PCM1: variants seen among roughly 807,000 people sequenced by gnomAD.
PCM1 encodes pericentriolar material 1.
In PCM1, 157 loss-of-function variants were observed where a neutral mutation model predicts 241.9. That is an observed-to-expected ratio of 0.65 (90% CI 0.57 to 0.74). PCM1 has a LOEUF of 0.74. Ranked by LOEUF, PCM1 falls within the 30% of genes least tolerant of loss-of-function variation. The probability of loss-of-function intolerance (pLI) is 0.00; values close to 1 mark genes in which losing one functional copy is unlikely to be tolerated. For missense variants in PCM1, 3,478 were observed against 2,360.1 expected, an observed-to-expected ratio of 1.47 and a Z score of -9.81; for synonymous variants, 1,085 against 784.9, an observed-to-expected ratio of 1.38 and a Z score of -6.39.
chr8:17,984,178 A>C (rs1706074676), intron 24 of PCM1, among the ~76,000 whole-genome samples: 1 of 152,080 alleles, frequency 6.6e-6, no homozygotes, highest in South Asian at 2.1e-4. Flanking sequence ...TTAGATTGAT[A>C]ATTTTATCAC....
chr8:18,016,118 G>C (rs910877156), intron 36 of PCM1, among the ~76,000 whole-genome samples: 1 of 152,146 alleles, frequency 6.6e-6, no homozygotes, highest in Non-Finnish European at 1.5e-5. Context: ...TCGATCTCCT[G>C]ACATTGTAAT....
At chr8:17,997,903 G>A (rs967188401) in intron 29 of PCM1, among the ~76,000 whole-genome samples, 12 of 151,562 alleles carry the variant, frequency 7.9e-5, no homozygotes, top group African/African-American at 2.4e-4. Flanking sequence ...GGACATGGTG[G>A]TGCGCACCTA....
At chr8:17,961,706 A>G (rs552335974) in intron 15 of PCM1, among the ~76,000 whole-genome samples, 2 of 152,148 alleles carry the variant, frequency 1.3e-5, no homozygotes, top group Admixed American at 6.5e-5. Context: ...TTCCTACTGT[A>G]TCTAATCCTT....
chr8:17,965,457 A>G (rs1230325835), intron 18 of PCM1, among the ~76,000 whole-genome samples: 1 of 152,200 alleles, frequency 6.6e-6, no homozygotes, highest in African/African-American at 2.4e-5. Flanking sequence ...AAGAACAGAT[A>G]GATATTTTAT....
At chr8:17,978,262 T>C (rs745923417) in intron 23 of PCM1, among the ~76,000 whole-genome samples, 2 of 151,880 alleles carry the variant, frequency 1.3e-5, no homozygotes, top group Non-Finnish European at 2.9e-5. Context: ...GATTAGAGAC[T>C]TACAAGAAGT....
intron 22 of PCM1, among the ~76,000 whole-genome samples, chr8:17,970,459 A>G (rs2076465025): frequency 6.6e-6 from 1 of 151,066 alleles, no homozygotes; most frequent in African/African-American, 2.4e-5. Context: ...TCGATTAACC[A>G]ATAACTCTGA....
chr8:18,025,180 A>C, intron 36 of PCM1, 181 bp from the exon 37 acceptor site: 1 of 135,748 alleles, frequency 7.4e-6, no homozygotes. Flanking sequence ...GCTTGACAGT[A>C]TGTTTCACAG....
At chr8:18,003,870 G>A (rs1053910063) in intron 29 of PCM1, among the ~76,000 whole-genome samples, 9 of 152,054 alleles carry the variant, frequency 5.9e-5, no homozygotes, top group African/African-American at 2.2e-4. Flanking sequence ...AAGTGAATTG[G>A]TTTAAATTTT....
intron 6 of PCM1, among the ~76,000 whole-genome samples, chr8:17,943,236 T>C (rs1224371179): frequency 2.0e-5 from 3 of 151,264 alleles, no homozygotes; most frequent in Admixed American, 6.6e-5. Context: ...ACTTCACCTC[T>C]AGTATTTTGG....
intron 4 of PCM1, among the ~76,000 whole-genome samples, chr8:17,937,691 G>C (rs2060806985): frequency 6.6e-6 from 1 of 152,094 alleles, no homozygotes; most frequent in Non-Finnish European, 1.5e-5. Flanking sequence ...TTAAGTAATG[G>C]AAAGTTCCAG....
intron 29 of PCM1, 88 bp downstream of exon 29, chr8:17,993,707 G>C (rs1301433091): frequency 3.7e-5 from 41 of 1,112,144 alleles, no homozygotes; most frequent in Non-Finnish European, 4.6e-5. Context: ...AAAGTTCAAC[G>C]GTATAGGTAA....
intron 23 of PCM1, among the ~76,000 whole-genome samples, chr8:17,974,857 G>GCACA (rs60355433): frequency 0.059 from 7,885 of 133,266 alleles, 218 homozygotes; most frequent in East Asian, 0.085. Context: ...CCACTTTAAG[G>GCACA]CACACACACA....
At chr8:18,011,393 T>A (rs765494232) in intron 33 of PCM1, 27 bp downstream of exon 33, 1 of 1,424,430 alleles carries the variant, frequency 7.0e-7, no homozygotes, top group South Asian at 1.5e-5. Context: ...TGTACTATCT[T>A]TATACTTTAG....
chr8:17,939,635 A>G, intron 5 of PCM1, 56 bp from the exon 6 acceptor site: 1 of 916,972 alleles, frequency 1.1e-6, no homozygotes, highest in Non-Finnish European at 1.6e-6. Context: ...AATTATCCTT[A>G]GTTTTATATA....
intron 26 of PCM1, among the ~76,000 whole-genome samples, chr8:17,988,537 A>G (rs1009538943): frequency 6.6e-6 from 1 of 151,908 alleles, no homozygotes; most frequent in East Asian, 1.9e-4. Context: ...AAAAGAAAAA[A>G]TTAAGAAATT....
chr8:17,941,853 A>T (rs2062166971), intron 6 of PCM1, among the ~76,000 whole-genome samples: 1 of 141,266 alleles, frequency 7.1e-6, no homozygotes, highest in Non-Finnish European at 1.5e-5. Context: ...TTACAATATT[A>T]ACTTGGGAAG....
chr8:17,946,454 TTTG>T (rs1460052746), intron 6 of PCM1, among the ~76,000 whole-genome samples: 3 of 152,078 alleles, frequency 2.0e-5, no homozygotes, highest in Non-Finnish European at 4.4e-5. Flanking sequence ...CTTTCTAGGT[TTTG>T]TTGTTGTTTT....
chr8:18,012,887 ACTTT>A (rs1438159601), intron 34 of PCM1, among the ~76,000 whole-genome samples: 1 of 151,962 alleles, frequency 6.6e-6, no homozygotes, highest in Non-Finnish European at 1.5e-5. Flanking sequence ...ACTTCTGAAC[ACTTT>A]CTTTTTTTCT....
At chr8:18,001,370 A>G (rs2089359991) in intron 29 of PCM1, among the ~76,000 whole-genome samples, 1 of 152,180 alleles carries the variant, frequency 6.6e-6, no homozygotes, top group South Asian at 2.1e-4. Context: ...TAAAATTTTT[A>G]GTTCAAAGGT....
Sources: gnomAD v4.1 joint callset for allele counts (sites outside exome capture counted in the v4.1 genomes callset) on GRCh38, gnomAD v4.1.1 for gene constraint, MANE v1.5 for transcripts, NCBI Gene and HGNC (gene_info 2026-07-23, HGNC 2026-07-21) for gene names.